PCBP3: variants seen among roughly 807,000 people sequenced by gnomAD.
PCBP3 encodes the protein poly(rC)-binding protein 3.
In PCBP3, 25 loss-of-function variants were observed where a neutral mutation model predicts 52.7. The observed-to-expected ratio is 0.47, with a 90% CI of 0.35 to 0.66. The LOEUF (loss-of-function observed/expected upper bound fraction) is 0.66, where lower values mean the gene tolerates loss of function less well. Ranked by LOEUF, PCBP3 falls within the 30% of genes least tolerant of loss-of-function variation. The pLI is 0.01. For missense variants in PCBP3, 391 were observed against 490.3 expected (o/e 0.80, Z 1.91); for synonymous variants, 162 against 183.0 (o/e 0.89, Z 0.93).
chr21:45,779,109 C>T (rs1217677994), intron 4 of PCBP3, among the ~76,000 whole-genome samples: 1 of 152,214 alleles, frequency 6.6e-6, no homozygotes, highest in East Asian at 1.9e-4. Context: ...TTCCATAATG[C>T]CTCAGTAGCT....
chr21:45,863,823 G>A (rs763113708), intron 5 of PCBP3, among the ~76,000 whole-genome samples: 3 of 152,198 alleles, frequency 2.0e-5, no homozygotes, highest in East Asian at 1.9e-4. Flanking sequence ...GATTGGCTTC[G>A]ACGGGAGTCC....
intron 3 of PCBP3, among the ~76,000 whole-genome samples, chr21:45,746,010 G>A (rs1310366124): frequency 4.2e-5 from 6 of 144,538 alleles, no homozygotes; most frequent in African/African-American, 7.8e-5. Flanking sequence ...TGTCAGCATC[G>A]CTGTCAGTCC....
chr21:45,861,995 A>C (rs1241582896), intron 5 of PCBP3, among the ~76,000 whole-genome samples: 1 of 152,168 alleles, frequency 6.6e-6, no homozygotes, highest in Non-Finnish European at 1.5e-5. Flanking sequence ...AGCACCTTGA[A>C]CGCTGCTTCC....
chr21:45,867,237 G>T (rs2094773903), intron 5 of PCBP3, among the ~76,000 whole-genome samples: 1 of 152,216 alleles, frequency 6.6e-6, no homozygotes, highest in Non-Finnish European at 1.5e-5. Context: ...CGGCTGCTGC[G>T]CCGGATCTGA....
At chr21:45,680,169 T>G (rs531169899) in intron 2 of PCBP3, among the ~76,000 whole-genome samples, 2 of 152,344 alleles carry the variant, frequency 1.3e-5, no homozygotes, top group African/African-American at 4.8e-5. Flanking sequence ...TTTCTCTCAT[T>G]TGCTCTTGTA....
At chr21:45,715,403 A>T (rs901640257) in intron 2 of PCBP3, among the ~76,000 whole-genome samples, 1 of 152,240 alleles carries the variant, frequency 6.6e-6, no homozygotes, top group African/African-American at 2.4e-5. Flanking sequence ...ATTAAAGCGT[A>T]CAAGTGAGTA....
intron 9 of PCBP3, 100 bp downstream of exon 9, chr21:45,901,213 C>T (rs371965348): frequency 1.2e-6 from 1 of 810,242 alleles, no homozygotes; most frequent in African/African-American, 1.7e-5. Context: ...TAGGGGATGC[C>T]CCAGCCCGCC....
chr21:45,663,166 TC>T (rs1569090148), intron 1 of PCBP3, among the ~76,000 whole-genome samples: 2 of 148,034 alleles, frequency 1.4e-5, no homozygotes, highest in African/African-American at 2.4e-5. Context: ...CTGTCTCCTC[TC>T]TCTCTCTCTC....
At chr21:45,844,750 C>T (rs1437531050) in intron 4 of PCBP3, among the ~76,000 whole-genome samples, 2 of 151,884 alleles carry the variant, frequency 1.3e-5, no homozygotes, top group African/African-American at 4.8e-5. Context: ...AACCATGGTT[C>T]TTCTTTCTTC....
At chr21:45,820,004 C>G (rs905369743) in intron 4 of PCBP3, among the ~76,000 whole-genome samples, 3 of 152,256 alleles carry the variant, frequency 2.0e-5, no homozygotes, top group African/African-American at 7.2e-5. Context: ...CTCAGGCCCG[C>G]TGGGGAAGGT....
At chr21:45,922,246 G>A (rs1194978549) in intron 13 of PCBP3, among the ~76,000 whole-genome samples, 1 of 152,214 alleles carries the variant, frequency 6.6e-6, no homozygotes, top group East Asian at 1.9e-4. Flanking sequence ...TGGAAGAAAT[G>A]AGTGAACTTC....
intron 5 of PCBP3, among the ~76,000 whole-genome samples, chr21:45,851,869 TA>T (rs1275526838): frequency 6.6e-6 from 1 of 152,244 alleles, no homozygotes; most frequent in African/African-American, 2.4e-5. Context: ...GACACATTTT[TA>T]TGGGTGAATT....
At chr21:45,877,115 C>T (rs1807523793) in intron 5 of PCBP3, among the ~76,000 whole-genome samples, 1 of 152,278 alleles carries the variant, frequency 6.6e-6, no homozygotes, top group Non-Finnish European at 1.5e-5. Flanking sequence ...ATGACACTTT[C>T]AAACGTGGGT....
chr21:45,716,748 T>C (rs771490197), intron 2 of PCBP3, among the ~76,000 whole-genome samples: 21 of 152,176 alleles, frequency 1.4e-4, no homozygotes, highest in Non-Finnish European at 3.1e-4. Context: ...CATATGACAA[T>C]GTATTGAGTG....
At chr21:45,885,770 C>T (rs1343897190) in intron 5 of PCBP3, among the ~76,000 whole-genome samples, 2 of 152,186 alleles carry the variant, frequency 1.3e-5, no homozygotes, top group Non-Finnish European at 2.9e-5. Context: ...TCTGTTTTCT[C>T]ATTTGTTTAA....
chr21:45,685,669 C>T (rs567746118), intron 2 of PCBP3, among the ~76,000 whole-genome samples: 1 of 152,278 alleles, frequency 6.6e-6, no homozygotes, highest in African/African-American at 2.4e-5. Flanking sequence ...GGAATATAAG[C>T]AGAGCCTTAC....
chr21:45,732,942 T>TA (rs1486901179), intron 2 of PCBP3, among the ~76,000 whole-genome samples: 1 of 152,146 alleles, frequency 6.6e-6, no homozygotes, highest in Non-Finnish European at 1.5e-5. Flanking sequence ...CTTTTGTCAT[T>TA]ATTTTTTAAA....
chr21:45,814,741 G>A (rs2092805956), intron 4 of PCBP3, among the ~76,000 whole-genome samples: 1 of 138,196 alleles, frequency 7.2e-6, no homozygotes. Context: ...GTGAGTGAGT[G>A]GTGAGTGATG....
rs921273650 is a variant in PCBP3 at position 45,880,879 on chromosome 21, G to A, written c.11-15329G>A. ...AGGGGGTAGGTGCTGGGCTCTGGAC[G>A]GGAGGCTCAGGGCCGGGGTTAAACA... On this transcript the variant is annotated intron_variant, in intron 5 of 17. Coordinates refer to ENST00000681687, the MANE Select transcript of PCBP3 (RefSeq NM_001384156.1). The surrounding 1 kb of genome is among the most constrained non-coding windows in gnomAD (Gnocchi z 5.4). Among the ~76,000 whole-genome samples, 7 of 152,202 alleles carry A rather than the reference G, an allele frequency of 4.6e-5. No homozygotes were observed. The highest frequency in any genetic ancestry group is 2.0e-4 in the Admixed American group (3 of 15,280).
Sources: allele counts gnomAD v4.1 joint callset (sites outside exome capture counted in the v4.1 genomes callset), GRCh38; gene constraint gnomAD v4.1.1; non-coding constraint Gnocchi (gnomAD v3.1); transcripts MANE v1.5; gene names NCBI Gene and HGNC (gene_info 2026-07-23, HGNC 2026-07-21).